Variants in NOTCH1 observed in about 807,000 individuals in gnomAD.
NOTCH1 encodes neurogenic locus notch homolog protein 1.
NOTCH1 carries 37 observed loss-of-function variants against 254.8 expected under a neutral mutation model. The ratio of observed to expected loss-of-function variants is 0.15; its 90% CI spans 0.11 to 0.19. The LOEUF (loss-of-function observed/expected upper bound fraction) is 0.19. NOTCH1 is among the 10% of genes least tolerant of loss of function. The probability of loss-of-function intolerance (pLI) is 1.00; values close to 1 mark genes in which losing one functional copy is unlikely to be tolerated. For missense variants in NOTCH1, 2,972 were observed against 3,708.6 expected, an observed-to-expected ratio of 0.80 and a Z score of 5.16; for synonymous variants, 1,731 against 1,618.1, an observed-to-expected ratio of 1.07 and a Z score of -1.68.
At chr9:136,507,156 G>A in intron 22 of NOTCH1, 149 bp downstream of exon 22, 2 of 1,486,684 alleles carry the variant, frequency 1.3e-6, no homozygotes, top group Non-Finnish European at 9.2e-7. Context: ...CCCTTTCCCT[G>A]GGCAGCTGTG....
intron 2 of NOTCH1, among the ~76,000 whole-genome samples, chr9:136,524,955 A>G (rs1843436906): frequency 6.6e-6 from 1 of 152,102 alleles, no homozygotes; most frequent in African/African-American, 2.4e-5. Context: ...TTCTGATGGG[A>G]CACCTCAGGC....
chr9:136,518,189 G>A lies in NOTCH1; in HGVS notation c.1203C>T (p.Pro401=). Reference sequence around the variant, plus strand: ...TGCAGGCCGGGCCCGTGTACCCCGAGGGGCAGGTGCAGATGGCCTTGCCAT... The same window carrying A: ...TGCAGGCCGGGCCCGTGTACCCCGAAGGGCAGGTGCAGATGGCCTTGCCAT... ...PVNGKAICTC[P]SGYTGPACSQ... The change falls in exon 7 of 34, where the codon CCC becomes CCT. Residue 401 remains proline (P), a synonymous_variant. Transcript: ENST00000651671. 6.2e-7 allele frequency: 1 copy of A among 1,604,114 alleles called. No homozygotes were observed. The highest frequency in any genetic ancestry group is 8.5e-7 in the Non-Finnish European group (1 of 1,175,942).
At chr9:136,515,823 C>T (rs1393693132) in intron 10 of NOTCH1, 107 bp from the exon 11 acceptor site, 12 of 1,218,980 alleles carry the variant, frequency 9.8e-6, no homozygotes, top group African/African-American at 6.2e-5. Context: ...GGGCTCCGAG[C>T]GTGGCATTCC....
At chr9:136,531,831 G>A (rs1843566676) in intron 2 of NOTCH1, among the ~76,000 whole-genome samples, 1 of 152,252 alleles carries the variant, frequency 6.6e-6, no homozygotes, top group Non-Finnish European at 1.5e-5. Flanking sequence ...GCCGCAGATG[G>A]ACGGCGGCTT....
Position 136,513,642 on chromosome 9 carries a change from T to A in NOTCH1, c.2208-105A>T. 1 of 1,324,888 alleles carries A rather than the reference T, an allele frequency of 7.5e-7. No individual in the cohort carries two copies. The highest frequency in any genetic ancestry group is 1.1e-6 in the Non-Finnish European group (1 of 945,150). 82.1% of individuals were successfully genotyped at this position (1,324,888 alleles called of 1,614,324 possible). On this transcript the variant is annotated intron_variant, in intron 13 of 33. Coordinates refer to ENST00000651671, the MANE Select transcript of NOTCH1 (RefSeq NM_017617.5). This position sits in a 1 kb window ranked among gnomAD's most constrained non-coding sequence, Gnocchi z 4.7. ...CCCTATGGGCTGGCGGAGGTGCCCA[T>A]CCACTCAGACTCGCAGAGTCCTTTA...
rs1246624794 is a variant in NOTCH1 at position 136,513,411 on chromosome 9, G to C, written c.2334C>G (p.Thr778=). 1 of 1,612,920 alleles carries C rather than the reference G, an allele frequency of 6.2e-7. No homozygotes were observed. The highest frequency in any genetic ancestry group is 8.5e-7 in the Non-Finnish European group (1 of 1,180,010). The change falls in exon 14 of 34, where the codon ACC becomes ACG. Residue 778 remains threonine, a synonymous_variant. Transcript: ENST00000651671. The surrounding 1 kb of genome is among the most constrained non-coding windows in gnomAD (Gnocchi z 4.7). ...ACTCACCGCTGAAGCCCTCCCGGCA[G>C]GTGCACACGTAGCCACTGGTCATGT... ...CKDMTSGYVC[T]CREGFSGPNC...
intron 32 of NOTCH1, 56 bp downstream of exon 32, chr9:136,499,056 C>A (rs2133322241): frequency 6.2e-7 from 1 of 1,612,664 alleles, no homozygotes; most frequent in Non-Finnish European, 8.5e-7. Context: ...CCAGTCCCAC[C>A]CGTCCCTGTG....
intron 2 of NOTCH1, among the ~76,000 whole-genome samples, chr9:136,534,683 C>T (rs549888252): frequency 2.0e-5 from 3 of 152,174 alleles, no homozygotes; most frequent in South Asian, 2.1e-4. Context: ...TGGCCTGATC[C>T]GGAGACGCCC....
chr9:136,536,583 G>A (rs774029149), intron 2 of NOTCH1, among the ~76,000 whole-genome samples: 3 of 152,184 alleles, frequency 2.0e-5, no homozygotes, highest in African/African-American at 4.8e-5. Flanking sequence ...CCCAGCCACC[G>A]CCGCTCCTTT....
chr9:136,518,142 G>T lies in NOTCH1; in HGVS notation c.1250C>A (p.Ser417Ter). The T allele has an allele frequency of 6.3e-7, 1 of 1,588,002 alleles. No individual in the cohort carries two copies. Among genetic ancestry groups the T allele is most frequent in the East Asian group, 2.3e-5 (1 of 43,560 alleles). The change falls in exon 7 of 34, where the codon TCG (serine) becomes TAG (stop). Residue 417 changes from serine (S) to a stop codon, truncating the protein, a stop_gained. Transcript: ENST00000651671. LOFTEE classifies it high-confidence loss of function. ...PACSQDVDEC[S>*]LGANPCEHAG... ...CCCCCTGTGCTGGCACCTACCCAGC[G>T]AGCACTCATCCACGTCCTGGCTGCA...
rs897872809 is a variant in NOTCH1, at chr9:136,500,667, C to T, written c.5819G>A (p.Arg1940His). The part of the protein sequence containing the change: ...TALHLAARYS[R>H]SDAAKRLLEA... ...CAGCAGGCGCTTGGCGGCATCAGAG[C>T]GTGAGTAGCGGGCGGCCAGGTGCAA... The change falls in exon 31 of 34, where the codon CGC becomes CAC. Residue 1940 changes from arginine to histidine, a missense_variant. Physicochemically the swap from Arg to His is conservative, Grantham distance 29. Coordinates refer to ENST00000651671, the MANE Select transcript of NOTCH1 (RefSeq NM_017617.5). The T allele has an allele frequency of 6.2e-7, 1 of 1,611,652 alleles. No individual in the cohort carries two copies. Among genetic ancestry groups the T allele is most frequent in the Non-Finnish European group, 8.5e-7 (1 of 1,179,896 alleles).
In NOTCH1 at chr9:136,525,360, C is replaced by T. The variant is rs568354047; in HGVS notation, c.141-1381G>A. Among the ~76,000 whole-genome samples the T allele has an allele frequency of 1.3e-4, 20 of 152,264 alleles. 1 individual carries two copies. The South Asian group carries it at 3.1e-3, about 24-fold the overall frequency. ...CCAGCCACCTGCTGTGGTCATAAAT[C>T]TCCGGCCCCAGTCACCTCCTGGCCT... is the stretch of plus-strand genomic sequence containing the variant. On this transcript the variant is annotated intron_variant, in intron 2 of 33. Coordinates refer to ENST00000651671, the MANE Select transcript of NOTCH1 (RefSeq NM_017617.5).
chr9:136,524,047 G>C (rs1227427312), intron 2 of NOTCH1, 68 bp from the exon 3 acceptor site: 1 of 1,527,244 alleles, frequency 6.5e-7, no homozygotes, highest in Non-Finnish European at 8.8e-7. Flanking sequence ...ACTCAGCACC[G>C]GGAACCTGTC....
intron 30 of NOTCH1, among the ~76,000 whole-genome samples, chr9:136,501,339 C>A (rs1368028725): frequency 6.6e-6 from 1 of 151,242 alleles, no homozygotes; most frequent in African/African-American, 2.4e-5. Flanking sequence ...GAGGCTGAGG[C>A]AGGAGAATTG....
intron 17 of NOTCH1, 136 bp from the exon 18 acceptor site, chr9:136,510,097 G>A: frequency 1.2e-6 from 1 of 810,446 alleles, no homozygotes; most frequent in Non-Finnish European, 2.0e-6. Context: ...CTGTGACAAA[G>A]GTGTCTGGTG....
intron 22 of NOTCH1, 55 bp from the exon 23 acceptor site, chr9:136,507,028 T>TGCCGC: frequency 3.8e-6 from 6 of 1,579,556 alleles, no homozygotes; most frequent in Non-Finnish European, 5.2e-6. Flanking sequence ...GGCCCTGCCG[T>TGCCGC]GCCGCGTGTC....
intron 5 of NOTCH1, among the ~76,000 whole-genome samples, chr9:136,519,224 C>A (rs557524444): frequency 3.5e-4 from 54 of 152,364 alleles, no homozygotes; most frequent in African/African-American, 1.3e-3. Context: ...CCACACAGAC[C>A]AACCAGGGCC....
chr9:136,529,857 C>T (rs570585237), intron 2 of NOTCH1, among the ~76,000 whole-genome samples: 109 of 152,358 alleles, frequency 7.2e-4, no homozygotes, highest in Admixed American at 5.4e-3. Flanking sequence ...GCCTGTTCAC[C>T]GTTGGAGCAC....
In NOTCH1 at chr9:136,502,475, C is replaced by T. The variant is rs1843014055; in HGVS notation, c.5181G>A (p.Glu1727=). The part of the protein sequence containing the change: ...KIEAVQSETV[E]PPPPAQLHFM... Reference sequence around the variant, plus strand: ...AGTGCAGCTGCGCCGGCGGGGGCGGCTCCACGGTCTCACCTGCGGGCACGG... The same window carrying T: ...AGTGCAGCTGCGCCGGCGGGGGCGGTTCCACGGTCTCACCTGCGGGCACGG... The change falls in exon 28 of 34, where the codon GAG becomes GAA. Residue 1727 remains glutamate, a synonymous_variant. Coordinates refer to ENST00000651671, the MANE Select transcript of NOTCH1 (RefSeq NM_017617.5). 5.1e-6 allele frequency: 8 copies of T among 1,569,802 alleles called. 1 individual carries two copies. In the South Asian group the frequency reaches 8.0e-5, roughly 16 times the overall value.
Sources: allele counts gnomAD v4.1 joint callset (sites outside exome capture counted in the v4.1 genomes callset), GRCh38; gene constraint gnomAD v4.1.1; non-coding constraint Gnocchi (gnomAD v3.1); transcripts MANE v1.5; gene names NCBI Gene and HGNC (gene_info 2026-07-23, HGNC 2026-07-21).